PTPRN2: variants seen among roughly 807,000 people sequenced by gnomAD.
PTPRN2 encodes protein tyrosine phosphatase receptor type N2, also known as receptor-type tyrosine-protein phosphatase N2.
Under a neutral mutation model 118.8 loss-of-function variants are expected in PTPRN2, and 74 were observed. The ratio of observed to expected loss-of-function variants is 0.62; its 90% CI spans 0.52 to 0.76. The LOEUF is 0.76. PTPRN2 is among the 30% of genes least tolerant of loss of function. PTPRN2 has a pLI of 0.00. For synonymous variants in PTPRN2, 641 were observed against 608.0 expected (o/e 1.05, Z -0.80); for missense variants, 1,481 against 1,394.4 (o/e 1.06, Z -0.99).
chr7:157,921,936 A>G (rs4716806), intron 11 of PTPRN2, among the ~76,000 whole-genome samples: 81,156 of 151,624 alleles, frequency 0.54, 22,067 homozygotes, highest in Admixed American at 0.63. Flanking sequence ...GGAGCAATGG[A>G]GAGACGGGGC....
At chr7:158,417,929 A>G (rs770811652) in intron 2 of PTPRN2, among the ~76,000 whole-genome samples, 282 of 109,984 alleles carry the variant, frequency 2.6e-3, no homozygotes, top group Middle Eastern at 0.02. Flanking sequence ...TCCGTGTCCC[A>G]CTGTGTTAAG....
At chr7:158,323,844 G>A (rs113388028) in intron 2 of PTPRN2, among the ~76,000 whole-genome samples, 2,990 of 152,112 alleles carry the variant, frequency 0.02, 87 homozygotes, top group African/African-American at 0.062. Flanking sequence ...GTGTGTACAC[G>A]GTGCATGTAT....
intron 11 of PTPRN2, among the ~76,000 whole-genome samples, chr7:157,970,702 T>C (rs1802273509): frequency 7.1e-6 from 1 of 141,196 alleles, no homozygotes. Flanking sequence ...TGGTGGGACC[T>C]GTGCCCAGCA....
intron 10 of PTPRN2, among the ~76,000 whole-genome samples, chr7:158,087,519 C>T (rs12112370): frequency 0.71 from 94,361 of 132,906 alleles, 37,360 homozygotes; most frequent in Middle Eastern, 0.92. Flanking sequence ...AAAGGTGACT[C>T]CTATTTAGGG....
chr7:158,466,281 T>G (rs1819379582), intron 2 of PTPRN2, among the ~76,000 whole-genome samples: 1 of 152,076 alleles, frequency 6.6e-6, no homozygotes, highest in Non-Finnish European at 1.5e-5. Flanking sequence ...AAACTGCAGC[T>G]TCCTACCCTC....
intron 15 of PTPRN2, among the ~76,000 whole-genome samples, chr7:157,606,137 CAG>C (rs1250407012): frequency 7.2e-5 from 11 of 152,222 alleles, no homozygotes; most frequent in Non-Finnish European, 1.6e-4. Context: ...CAGCACTGCC[CAG>C]AGTGTCACAC....
chr7:158,131,794 ACT>A (rs1818335194), intron 9 of PTPRN2, among the ~76,000 whole-genome samples: 1 of 151,612 alleles, frequency 6.6e-6, no homozygotes, highest in Admixed American at 6.6e-5. Context: ...CGACATACAC[ACT>A]CATACACACA....
intron 2 of PTPRN2, among the ~76,000 whole-genome samples, chr7:158,460,655 A>G (rs1733157): frequency 0.55 from 83,988 of 152,106 alleles, 23,393 homozygotes; most frequent in African/African-American, 0.56. Flanking sequence ...GGAAATGAAA[A>G]CTCACAGTCA....
In PTPRN2 at chr7:157,990,519, C is replaced by G. The variant is rs1026227397; in HGVS notation, c.1723+90779G>C. ...ATGCCACCATGCCCAACGGTCCCCG[C>G]CCTGCACCCACCTCTGGCAAGTTCT... On this transcript the variant is annotated intron_variant, in intron 11 of 22. Coordinates refer to ENST00000389418, the MANE Select transcript of PTPRN2 (RefSeq NM_002847.5). This position sits in a 1 kb window ranked among gnomAD's most constrained non-coding sequence, Gnocchi z 4.3. Among the ~76,000 whole-genome samples the G allele has an allele frequency of 1.2e-4, 18 of 152,318 alleles. No homozygotes were observed. The South Asian group carries it at 3.3e-3, about 28-fold the overall frequency.
chr7:158,376,615 G>C lies in PTPRN2; in HGVS notation c.164-59683C>G, dbSNP rs559165214. Among the ~76,000 whole-genome samples the C allele has an allele frequency of 1.5e-3, 134 of 87,506 alleles. 1 individual carries two copies. Among genetic ancestry groups the C allele is most frequent in the African/African-American group, 5.7e-3 (111 of 19,320 alleles). 57.4% of individuals were successfully genotyped at this position (87,506 alleles called of 152,430 possible). On this transcript the variant is annotated intron_variant, in intron 2 of 22. Transcript: ENST00000389418. The stretch of plus-strand genomic sequence containing the variant: ...ACAGCCCTGTCACACGTCCTGAGAG[G>C]GGGGTCAGGGGACTCCCCCACAGCC...
rs1365311063 is a variant in PTPRN2 at position 157,964,595 on chromosome 7, G to A, written c.1724-65858C>T. ...TGCAGGCCACAACACAGGAGCAGGTGCAGCAGGGCCCTTGAGTCTGTCTCA... is the reference window on the plus strand; with the variant it reads ...TGCAGGCCACAACACAGGAGCAGGTACAGCAGGGCCCTTGAGTCTGTCTCA... On this transcript the variant is annotated intron_variant, in intron 11 of 22. Transcript: ENST00000389418. This position sits in a 1 kb window ranked among gnomAD's most constrained non-coding sequence, Gnocchi z 9.0. 1.3e-5 allele frequency among the ~76,000 whole-genome samples: 2 copies of A among 152,224 alleles called. No individual in the cohort carries two copies. The highest frequency in any genetic ancestry group is 2.9e-5 in the Non-Finnish European group (2 of 68,032).
chr7:157,657,300 TAC>T lies in PTPRN2; in HGVS notation c.2002-751_2002-750del, dbSNP rs199709726. 1.7e-3 allele frequency among the ~76,000 whole-genome samples: 56 copies of T among 32,456 alleles called. 4 individuals are homozygous for T. Among genetic ancestry groups the T allele is most frequent in the African/African-American group, 5.0e-3 (39 of 7,812 alleles). The allele number at this position is 32,456 out of a possible 152,430, so 21.3% of individuals were successfully genotyped here. On this transcript the variant is annotated intron_variant, in intron 13 of 22. Transcript: ENST00000389418. ...ACACACACCACACACATCACACATATACACACACACACCACACACATCACACA... is the reference window on the plus strand; with the variant it reads ...ACACACACCACACACATCACACATATACACACACACCACACACATCACACA...
At chr7:158,158,546 C>T (rs1194514447) in intron 6 of PTPRN2, among the ~76,000 whole-genome samples, 6 of 149,770 alleles carry the variant, frequency 4.0e-5, no homozygotes, top group Non-Finnish European at 6.0e-5. Context: ...TGAGTGAACT[C>T]AGGAGAATCA....
intron 21 of PTPRN2, among the ~76,000 whole-genome samples, chr7:157,564,911 A>C (rs1395975743): frequency 6.6e-6 from 1 of 152,262 alleles, no homozygotes; most frequent in African/African-American, 2.4e-5. Context: ...GGCACTGTCC[A>C]TTAATACACA....
At position 157,596,125 on chromosome 7, in the gene PTPRN2, C is replaced by A. The variant is rs751578698; in HGVS notation, c.2419-810G>T. Among the ~76,000 whole-genome samples, 2 of 152,240 alleles carry A rather than the reference C, an allele frequency of 1.3e-5. No individual in the cohort carries two copies. Among genetic ancestry groups the A allele is most frequent in the Non-Finnish European group, 2.9e-5 (2 of 68,038 alleles). ...CCAAGCTCTCAATGGAGAGTGTGAA[C>A]AGGGTTCCTCCAGGCCTCATGGACA... is the stretch of plus-strand genomic sequence containing the variant. On this transcript the variant is annotated intron_variant, in intron 16 of 22. Transcript: ENST00000389418. This position sits in a 1 kb window ranked among gnomAD's most constrained non-coding sequence, Gnocchi z 4.2.
intron 9 of PTPRN2, among the ~76,000 whole-genome samples, chr7:158,113,118 A>G (rs1816429854): frequency 6.6e-6 from 1 of 152,126 alleles, no homozygotes; most frequent in South Asian, 2.1e-4. Context: ...GACAGAGGCA[A>G]GCAGCGAGCT....
At chr7:158,506,641 A>T (rs374310983) in intron 1 of PTPRN2, among the ~76,000 whole-genome samples, 11 of 151,962 alleles carry the variant, frequency 7.2e-5, no homozygotes, top group East Asian at 3.9e-4. Flanking sequence ...CCACCAAGGC[A>T]GTGGTGTGAT....
chr7:158,105,417 C>T (rs1815604118), intron 10 of PTPRN2, among the ~76,000 whole-genome samples: 1 of 151,134 alleles, frequency 6.6e-6, no homozygotes, highest in African/African-American at 2.4e-5. Context: ...AAACTCCATC[C>T]CAGCTCCATC....
At chr7:157,789,884 GGTAT>G (rs1453935954) in intron 12 of PTPRN2, among the ~76,000 whole-genome samples, 1 of 149,574 alleles carries the variant, frequency 6.7e-6, no homozygotes, top group Non-Finnish European at 1.5e-5. Flanking sequence ...TATGTGTGCA[GGTAT>G]GTGTGTGGTA....
Sources: allele counts gnomAD v4.1 joint callset (sites outside exome capture counted in the v4.1 genomes callset), GRCh38; gene constraint gnomAD v4.1.1; non-coding constraint Gnocchi (gnomAD v3.1); transcripts MANE v1.5; gene names NCBI Gene and HGNC (gene_info 2026-07-23, HGNC 2026-07-21).